The following GABRG3 variants were observed in gnomAD, a reference collection of about 807,000 sequenced individuals.
The protein encoded by GABRG3 is gamma-aminobutyric acid type A receptor subunit gamma3.
A neutral mutation model predicts 48.8 loss-of-function variants in GABRG3; 25 were observed. The ratio of observed to expected loss-of-function variants is 0.51; its 90% confidence interval spans 0.37 to 0.72. The LOEUF (loss-of-function observed/expected upper bound fraction) is 0.72, where lower values mean the gene tolerates loss of function less well. GABRG3 is among the 30% of genes least tolerant of loss of function. The probability of loss-of-function intolerance (pLI) is 0.00; values close to 1 mark genes in which losing one functional copy is unlikely to be tolerated. For missense variants in GABRG3, 394 were observed against 577.9 expected, an observed-to-expected ratio of 0.68 and a Z score of 3.26; for synonymous variants, 227 against 217.6, an observed-to-expected ratio of 1.04 and a Z score of -0.38.
intron 5 of GABRG3, chr15:27,420,675 A>G (rs1269466683): frequency 6.6e-6 from 1 of 152,336 alleles, no homozygotes; most frequent in Admixed American, 6.5e-5. Flanking sequence ...CTTATTTGTA[A>G]TTTTACCTCC....
chr15:27,111,435 C>A (rs915038734), intron 3 of GABRG3, among the ~76,000 whole-genome samples: 1 of 152,104 alleles, frequency 6.6e-6, no homozygotes, highest in Non-Finnish European at 1.5e-5. Flanking sequence ...TATTGATGTG[C>A]CTTGTACTTT....
chr15:27,104,717 G>A (rs561617893), intron 3 of GABRG3, among the ~76,000 whole-genome samples: 85 of 152,278 alleles, frequency 5.6e-4, no homozygotes, highest in African/African-American at 2.0e-3. Context: ...TTCCTCAGCT[G>A]AATCGAAGAC....
At chr15:27,392,489 CTCA>C (rs1263584743) in intron 5 of GABRG3, among the ~76,000 whole-genome samples, 8 of 152,282 alleles carry the variant, frequency 5.3e-5, no homozygotes, top group African/African-American at 1.9e-4. Flanking sequence ...AAGTACAGTT[CTCA>C]TCATACTATC....
intron 5 of GABRG3, among the ~76,000 whole-genome samples, chr15:27,443,308 A>G (rs1465330598): frequency 6.6e-6 from 1 of 152,204 alleles, no homozygotes; most frequent in East Asian, 1.9e-4. Context: ...GAGAATTCAA[A>G]AGCAATGAGT....
At chr15:27,212,096 T>C (rs1595588879) in intron 3 of GABRG3, among the ~76,000 whole-genome samples, 1 of 152,264 alleles carries the variant, frequency 6.6e-6, no homozygotes, top group East Asian at 1.9e-4. Flanking sequence ...GGAAAATTGG[T>C]ATATAAACTG....
chr15:27,476,989 A>T (rs1889959886), intron 5 of GABRG3, among the ~76,000 whole-genome samples: 1 of 152,208 alleles, frequency 6.6e-6, no homozygotes, highest in Non-Finnish European at 1.5e-5. Flanking sequence ...GAAACCATGG[A>T]AGCCATTAAG....
intron 3 of GABRG3, among the ~76,000 whole-genome samples, chr15:27,091,817 G>A (rs990681071): frequency 3.9e-5 from 6 of 152,172 alleles, no homozygotes; most frequent in Non-Finnish European, 5.9e-5. Flanking sequence ...ATTCAAGATG[G>A]CTGCTGTACT....
At chr15:27,328,738 G>C (rs1893702912) in intron 4 of GABRG3, 68 bp from the exon 5 acceptor site, 3 of 1,332,536 alleles carry the variant, frequency 2.3e-6, no homozygotes, top group Non-Finnish European at 3.2e-6. Flanking sequence ...CACATGGGGT[G>C]CCGTAACGGC....
intron 3 of GABRG3, among the ~76,000 whole-genome samples, chr15:27,145,637 CT>C (rs375449095): frequency 4.9e-5 from 7 of 142,720 alleles, no homozygotes; most frequent in Non-Finnish European, 9.5e-5. Context: ...ATCTATCTAT[CT>C]ATCTATCTAT....
intron 3 of GABRG3, among the ~76,000 whole-genome samples, chr15:27,130,258 C>G (rs894251726): frequency 5.9e-5 from 9 of 152,030 alleles, no homozygotes; most frequent in African/African-American, 1.9e-4. Context: ...CAACTTCATT[C>G]TTTTGCTTCT....
chr15:27,040,709 A>T (rs545240174), intron 3 of GABRG3, among the ~76,000 whole-genome samples: 6 of 152,248 alleles, frequency 3.9e-5, no homozygotes, highest in Admixed American at 2.6e-4. Context: ...TTATCAAAGA[A>T]AGTATTAAAA....
At chr15:27,085,111 G>T (rs958334429) in intron 3 of GABRG3, among the ~76,000 whole-genome samples, 1 of 152,166 alleles carries the variant, frequency 6.6e-6, no homozygotes, top group Admixed American at 6.5e-5. Context: ...CACATAAGAG[G>T]GCAAATAAGG....
intron 3 of GABRG3, among the ~76,000 whole-genome samples, chr15:27,043,546 G>A (rs1019079666): frequency 1.3e-5 from 2 of 152,136 alleles, no homozygotes; most frequent in African/African-American, 4.8e-5. Flanking sequence ...CTTTGAGATG[G>A]CTGATCTGCT....
intron 3 of GABRG3, among the ~76,000 whole-genome samples, chr15:27,075,984 T>C (rs533316084): frequency 6.6e-6 from 1 of 152,310 alleles, no homozygotes; most frequent in East Asian, 1.9e-4. Flanking sequence ...TTGCGCAGCA[T>C]GTGAGTTTCT....
At chr15:27,462,904 C>G (rs1427521850) in intron 5 of GABRG3, among the ~76,000 whole-genome samples, 1 of 151,950 alleles carries the variant, frequency 6.6e-6, no homozygotes, top group Admixed American at 6.6e-5. Context: ...AATAAAAACA[C>G]TATGTATTAA....
At chr15:27,086,512 C>A (rs192099427) in intron 3 of GABRG3, among the ~76,000 whole-genome samples, 19 of 152,292 alleles carry the variant, frequency 1.2e-4, no homozygotes, top group Non-Finnish European at 2.4e-4. Context: ...TGTATGACAG[C>A]ACTTTTCAAA....
chr15:27,403,845 G>A (rs2099474346), intron 5 of GABRG3, among the ~76,000 whole-genome samples: 1 of 145,636 alleles, frequency 6.9e-6, no homozygotes, highest in South Asian at 2.2e-4. Context: ...CCAGGAGGCA[G>A]AGGTTGCAGT....
chr15:27,234,827 A>C (rs1407784993), intron 3 of GABRG3, among the ~76,000 whole-genome samples: 3 of 152,174 alleles, frequency 2.0e-5, no homozygotes, highest in African/African-American at 7.2e-5. Flanking sequence ...ATCTACTCCA[A>C]AGCAGGCCTG....
rs1165879106 is a variant in GABRG3 at position 27,180,552 on chromosome 15, C to T, written c.271-146257C>T. On this transcript the variant is annotated intron_variant, in intron 3 of 9. Coordinates refer to ENST00000615808, the MANE Select transcript of GABRG3 (RefSeq NM_033223.5). This position sits in a 1 kb window ranked among gnomAD's most constrained non-coding sequence, Gnocchi z 4.2. ...ACGTATACCCTCAGGTTCAACTCAT[C>T]GCTCTAACCATGTCATCCTGATTCA... 1.3e-5 allele frequency among the ~76,000 whole-genome samples: 2 copies of T among 152,060 alleles called. No individual in the cohort carries two copies. The highest frequency in any genetic ancestry group is 2.4e-5 in the African/African-American group (1 of 41,404).
Sources: gnomAD v4.1 joint callset for allele counts (sites outside exome capture counted in the v4.1 genomes callset) on GRCh38, gnomAD v4.1.1 for gene constraint, Gnocchi (gnomAD v3.1) non-coding constraint, MANE v1.5 for transcripts, NCBI Gene and HGNC (gene_info 2026-07-23, HGNC 2026-07-21) for gene names.